The following RP1 variants were observed in gnomAD, a reference collection of about 807,000 sequenced individuals.
RP1 encodes the protein oxygen-regulated protein 1.
RP1 carries 16 observed loss-of-function variants against 14.8 expected under a neutral mutation model. The observed-to-expected ratio is 1.08, with a 90% CI of 0.73 to 1.65. The LOEUF is 1.65. Ranked by LOEUF, RP1 falls within the 40% of genes most tolerant of loss-of-function variation. The probability of loss-of-function intolerance (pLI) is 0.00; values close to 1 mark genes in which losing one functional copy is unlikely to be tolerated. For synonymous variants in RP1, 876 were observed against 883.6 expected, an observed-to-expected ratio of 0.99 and a Z score of 0.15; for missense variants, 2,631 against 2,535.0, an observed-to-expected ratio of 1.04 and a Z score of -0.81.
intron 7 of RP1, chr8:54,663,927 A>T: frequency 7.7e-7 from 1 of 1,302,460 alleles, no homozygotes; most frequent in South Asian, 1.8e-5. Context: ...TGTTGTAACT[A>T]TTCTAAGAGT....
chr8:54,753,007 A>G (rs1031788738), intron 19 of RP1, among the ~76,000 whole-genome samples: 1 of 152,254 alleles, frequency 6.6e-6, no homozygotes, highest in African/African-American at 2.4e-5. Context: ...TACACATTAC[A>G]TATAATCTCA....
intron 4 of RP1, among the ~76,000 whole-genome samples, chr8:54,650,648 C>T (rs1394657584): frequency 6.6e-6 from 1 of 150,958 alleles, no homozygotes; most frequent in Non-Finnish European, 1.5e-5. Flanking sequence ...CTTTCTCTTC[C>T]CTTTCCCTTC....
At chr8:54,766,253 AG>A (rs1223670090) in intron 22 of RP1, among the ~76,000 whole-genome samples, 4 of 152,228 alleles carry the variant, frequency 2.6e-5, no homozygotes, top group Admixed American at 1.3e-4. Flanking sequence ...AGATAAAAAA[AG>A]ATGTTGAAAT....
At chr8:54,822,784 C>T (rs1028379777) in intron 24 of RP1, among the ~76,000 whole-genome samples, 13 of 152,246 alleles carry the variant, frequency 8.5e-5, no homozygotes, top group Non-Finnish European at 1.8e-4. Context: ...AAGAGTTCAC[C>T]GTGTGTCCCA....
At chr8:54,610,966 C>G (rs896340420) in intron 1 of RP1, among the ~76,000 whole-genome samples, 1 of 152,140 alleles carries the variant, frequency 6.6e-6, no homozygotes, top group Non-Finnish European at 1.5e-5. Context: ...CAAGGACTGT[C>G]TTAATTTTGC....
At chr8:54,699,634 A>G (rs1807964816) in intron 13 of RP1, 2 of 747,588 alleles carry the variant, frequency 2.7e-6, no homozygotes, top group Non-Finnish European at 3.8e-6. Context: ...TTTTTTGTAT[A>G]AGATACATTT....
At chr8:54,689,580 T>C (rs1251195815) in intron 12 of RP1, among the ~76,000 whole-genome samples, 2 of 152,170 alleles carry the variant, frequency 1.3e-5, no homozygotes, top group Non-Finnish European at 2.9e-5. Flanking sequence ...ATACCAGTTT[T>C]CACTGTCATC....
chr8:54,607,789 C>T (rs574497425), intron 1 of RP1, among the ~76,000 whole-genome samples: 11 of 152,324 alleles, frequency 7.2e-5, no homozygotes, highest in African/African-American at 2.6e-4. Flanking sequence ...AGTTTGATCT[C>T]AGACTGCTGT....
At chr8:54,673,843 G>A (rs920534667) in intron 7 of RP1, 23 of 1,533,838 alleles carry the variant, frequency 1.5e-5, no homozygotes, top group African/African-American at 9.6e-5. Flanking sequence ...TTTTTGATTC[G>A]TTATAGACTG....
At chr8:54,632,645 G>A (rs931750530), downstream of RP1, among the ~76,000 whole-genome samples, 25 of 152,132 alleles carry the variant, frequency 1.6e-4, no homozygotes, top group Non-Finnish European at 3.1e-4. Context: ...TATGCTGAAG[G>A]ATAGAACTCA....
chr8:54,804,908 C>G (rs1174888630), intron 24 of RP1, among the ~76,000 whole-genome samples: 1 of 152,160 alleles, frequency 6.6e-6, no homozygotes, highest in Non-Finnish European at 1.5e-5. Flanking sequence ...GCATTATACC[C>G]TAATAATGGA....
intron 23 of RP1, among the ~76,000 whole-genome samples, chr8:54,783,313 G>A (rs1325107414): frequency 6.6e-6 from 1 of 152,122 alleles, no homozygotes; most frequent in African/African-American, 2.4e-5. Flanking sequence ...CCCAAAATAT[G>A]TATTGTTCTA....
intron 19 of RP1, among the ~76,000 whole-genome samples, chr8:54,743,766 G>A (rs1284484558): frequency 6.6e-6 from 1 of 152,074 alleles, no homozygotes; most frequent in Non-Finnish European, 1.5e-5. Flanking sequence ...GTTTAATTTA[G>A]TGGAGAATGG....
At chr8:54,608,073 C>T (rs1405168059) in intron 1 of RP1, among the ~76,000 whole-genome samples, 1 of 152,078 alleles carries the variant, frequency 6.6e-6, no homozygotes. Flanking sequence ...TCTGACACTC[C>T]CCAGTGATAT....
chr8:54,701,435 ATT>A (rs879057675), intron 13 of RP1: 2 of 1,357,268 alleles, frequency 1.5e-6, no homozygotes, highest in South Asian at 2.9e-5. Context: ...ATTACATTAA[ATT>A]TTTTTTTTCT....
At chr8:54,670,618 T>G (rs1343998132) in intron 7 of RP1, among the ~76,000 whole-genome samples, 1 of 140,566 alleles carries the variant, frequency 7.1e-6, no homozygotes, top group Non-Finnish European at 1.5e-5. Context: ...TATATGTATA[T>G]ATGTATACTC....
At chr8:54,771,564 T>G (rs1158126245), downstream of RP1, among the ~76,000 whole-genome samples, 1 of 152,076 alleles carries the variant, frequency 6.6e-6, no homozygotes, top group African/African-American at 2.4e-5. Context: ...TTCCTTCTAA[T>G]TAATTATTTC....
At chr8:54,588,921 G>C (rs1447793165) in intron 1 of RP1, among the ~76,000 whole-genome samples, 1 of 152,172 alleles carries the variant, frequency 6.6e-6, no homozygotes, top group Non-Finnish European at 1.5e-5. Flanking sequence ...GTGGGTTATT[G>C]TTATCTCCAT....
intron 1 of RP1, among the ~76,000 whole-genome samples, chr8:54,571,753 G>A (rs1038716615): frequency 6.6e-6 from 1 of 152,202 alleles, no homozygotes; most frequent in African/African-American, 2.4e-5. Flanking sequence ...CAGTGAGGGA[G>A]GATCTGTCCA....
Sources: gnomAD v4.1 joint callset for allele counts (sites outside exome capture counted in the v4.1 genomes callset) on GRCh38, gnomAD v4.1.1 for gene constraint, MANE v1.5 for transcripts, NCBI Gene and HGNC (gene_info 2026-07-23, HGNC 2026-07-21) for gene names.